AOAH: variants seen among roughly 807,000 people sequenced by gnomAD.
The protein encoded by AOAH is acyloxyacyl hydrolase.
In AOAH, 64 loss-of-function variants were observed where a neutral mutation model predicts 92.2. The ratio of observed to expected loss-of-function variants is 0.69; its 90% CI spans 0.57 to 0.86. The LOEUF is 0.86. AOAH is among the 40% of genes least tolerant of loss of function. AOAH has a pLI of 0.00. For missense variants in AOAH, 656 were observed against 694.6 expected, an observed-to-expected ratio of 0.94 and a Z score of 0.62; for synonymous variants, 263 against 254.5, an observed-to-expected ratio of 1.03 and a Z score of -0.32.
chr7:36,584,758 T>C (rs1312944035), intron 12 of AOAH, among the ~76,000 whole-genome samples: 2 of 152,250 alleles, frequency 1.3e-5, no homozygotes, highest in East Asian at 1.9e-4. Flanking sequence ...AATTCAGCTA[T>C]ACTCCTTTGC....
At chr7:36,663,185 C>T (rs1026116467) in intron 3 of AOAH, among the ~76,000 whole-genome samples, 1 of 152,148 alleles carries the variant, frequency 6.6e-6, no homozygotes, top group Non-Finnish European at 1.5e-5. Flanking sequence ...TTTAGGTTTA[C>T]AGTGAAATTG....
At chr7:36,622,305 A>G (rs991820221) in intron 7 of AOAH, among the ~76,000 whole-genome samples, 2 of 152,222 alleles carry the variant, frequency 1.3e-5, no homozygotes, top group African/African-American at 4.8e-5. Flanking sequence ...CTGTAAAACA[A>G]TTGGCTTATT....
At chr7:36,694,250 G>A (rs144858954) in intron 1 of AOAH, among the ~76,000 whole-genome samples, 2,264 of 152,052 alleles carry the variant, frequency 0.015, 61 homozygotes, top group African/African-American at 0.052. Flanking sequence ...TAATCCCAGT[G>A]CTTTGGGAGG....
At chr7:36,690,497 T>C (rs1206998283) in intron 1 of AOAH, among the ~76,000 whole-genome samples, 4 of 152,200 alleles carry the variant, frequency 2.6e-5, no homozygotes, top group African/African-American at 9.7e-5. Context: ...ATGGAGAAAC[T>C]GACTTTTCTA....
intron 12 of AOAH, among the ~76,000 whole-genome samples, chr7:36,586,724 A>C (rs530684100): frequency 9.8e-5 from 15 of 152,306 alleles, no homozygotes; most frequent in Admixed American, 9.2e-4. Context: ...AATTTATCAC[A>C]TTAGGTATTA....
At chr7:36,535,990 G>A (rs1398211641) in intron 16 of AOAH, among the ~76,000 whole-genome samples, 1 of 152,186 alleles carries the variant, frequency 6.6e-6, no homozygotes, top group Non-Finnish European at 1.5e-5. Context: ...TAGAGGCTGT[G>A]GGGTGCCCCA....
chr7:36,557,542 A>G (rs1197530177), intron 13 of AOAH, among the ~76,000 whole-genome samples: 3 of 152,112 alleles, frequency 2.0e-5, no homozygotes, highest in African/African-American at 4.8e-5. Context: ...GCCTTGCTAG[A>G]TTGGGGAAGT....
intron 1 of AOAH, among the ~76,000 whole-genome samples, chr7:36,689,461 G>A (rs992162143): frequency 6.6e-6 from 1 of 152,156 alleles, no homozygotes; most frequent in Non-Finnish European, 1.5e-5. Flanking sequence ...CTTCATAGAT[G>A]GCACCTTCTG....
intron 2 of AOAH, among the ~76,000 whole-genome samples, chr7:36,680,331 T>C (rs972625363): frequency 6.6e-6 from 1 of 152,238 alleles, no homozygotes; most frequent in South Asian, 2.1e-4. Context: ...GCAACATGAT[T>C]TACTAAGAGA....
intron 1 of AOAH, among the ~76,000 whole-genome samples, chr7:36,712,584 C>A (rs1013508260): frequency 6.6e-6 from 1 of 151,994 alleles, no homozygotes; most frequent in African/African-American, 2.4e-5. Flanking sequence ...GCATAGTCGA[C>A]CCCTGGGTTA....
At chr7:36,650,602 C>A (rs1384301716) in intron 4 of AOAH, among the ~76,000 whole-genome samples, 3 of 152,190 alleles carry the variant, frequency 2.0e-5, no homozygotes, top group Non-Finnish European at 4.4e-5. Flanking sequence ...AATACCAGAG[C>A]AGGCGCCCTG....
intron 12 of AOAH, 109 bp from the exon 13 acceptor site, chr7:36,576,765 C>T (rs1788532926): frequency 1.9e-6 from 1 of 524,700 alleles, no homozygotes; most frequent in Admixed American, 3.7e-5. Context: ...AAAATGAACT[C>T]AAAAAATCAA....
intron 4 of AOAH, among the ~76,000 whole-genome samples, chr7:36,649,553 A>G (rs995795238): frequency 6.6e-5 from 10 of 152,226 alleles, no homozygotes; most frequent in Non-Finnish European, 1.5e-4. Flanking sequence ...ACAGGAGGTA[A>G]AGAAATAGCC....
At chr7:36,659,342 G>A in intron 3 of AOAH, 77 bp from the exon 4 acceptor site, 2 of 1,226,310 alleles carry the variant, frequency 1.6e-6, no homozygotes, top group Non-Finnish European at 2.4e-6. Context: ...GCAAAGAAAG[G>A]TAAATCCCCA....
At chr7:36,617,064 C>T (rs1009167141) in intron 10 of AOAH, among the ~76,000 whole-genome samples, 1 of 152,222 alleles carries the variant, frequency 6.6e-6, no homozygotes, top group Non-Finnish European at 1.5e-5. Context: ...CACCTGTGAA[C>T]TCATTCTTCC....
intron 4 of AOAH, among the ~76,000 whole-genome samples, chr7:36,658,087 G>T (rs1472801314): frequency 6.6e-6 from 1 of 151,886 alleles, no homozygotes; most frequent in Non-Finnish European, 1.5e-5. Context: ...AACTCTTCTA[G>T]GTACCAGTGG....
chr7:36,602,350 T>C (rs1790673464), intron 11 of AOAH, among the ~76,000 whole-genome samples: 1 of 152,154 alleles, frequency 6.6e-6, no homozygotes, highest in Non-Finnish European at 1.5e-5. Flanking sequence ...ATTCAATGAA[T>C]GAGTCGAGGG....
intron 3 of AOAH, among the ~76,000 whole-genome samples, chr7:36,665,610 C>T (rs1474509395): frequency 3.3e-5 from 5 of 152,094 alleles, no homozygotes; most frequent in Admixed American, 3.3e-4. Context: ...AGCATCCTTG[C>T]CTTGTTCCTC....
At chr7:36,722,956 A>G (rs1457026312) in intron 1 of AOAH, among the ~76,000 whole-genome samples, 1 of 150,428 alleles carries the variant, frequency 6.6e-6, no homozygotes, top group Admixed American at 6.6e-5. Flanking sequence ...AAAAAAAAAA[A>G]AAAAAGGACT....
Sources: gnomAD v4.1 joint callset for allele counts (sites outside exome capture counted in the v4.1 genomes callset) on GRCh38, gnomAD v4.1.1 for gene constraint, MANE v1.5 for transcripts, NCBI Gene and HGNC (gene_info 2026-07-23, HGNC 2026-07-21) for gene names.